Variants in LPP observed in about 807,000 individuals in gnomAD.
LPP encodes the protein LIM domain containing preferred translocation partner in lipoma.
Under a neutral mutation model 60.4 loss-of-function variants are expected in LPP, and 38 were observed. That is an observed-to-expected ratio of 0.63 (90% CI 0.49 to 0.83). The LOEUF is 0.83. Among genes scored for constraint, LPP ranks in the 40% least tolerant of loss-of-function variants. The pLI is 0.00. For missense variants in LPP, 902 were observed against 783.6 expected, an observed-to-expected ratio of 1.15 and a Z score of -1.80; for synonymous variants, 328 against 290.8, an observed-to-expected ratio of 1.13 and a Z score of -1.30.
At chr3:188,733,563 A>G (rs1050119228) in intron 8 of LPP, among the ~76,000 whole-genome samples, 2 of 152,146 alleles carry the variant, frequency 1.3e-5, no homozygotes, top group Non-Finnish European at 2.9e-5. Context: ...TCTTTTCATG[A>G]GGACTTTATT....
intron 6 of LPP, among the ~76,000 whole-genome samples, chr3:188,526,054 A>G (rs1322811649): frequency 2.0e-5 from 3 of 152,208 alleles, no homozygotes; most frequent in Non-Finnish European, 4.4e-5. Flanking sequence ...GAAGACAGCC[A>G]TCAGAATTGT....
chr3:188,276,121 C>G (rs1577769053), intron 2 of LPP, among the ~76,000 whole-genome samples: 1 of 152,204 alleles, frequency 6.6e-6, no homozygotes, highest in East Asian at 1.9e-4. Context: ...ACAAAAAACA[C>G]AACAGCTCTT....
intron 8 of LPP, among the ~76,000 whole-genome samples, chr3:188,736,264 A>T (rs929255673): frequency 1.3e-5 from 2 of 152,150 alleles, no homozygotes; most frequent in Non-Finnish European, 2.9e-5. Flanking sequence ...TGTAAATATC[A>T]TATAAAATTA....
chr3:188,482,592 G>A (rs556531580), intron 4 of LPP, among the ~76,000 whole-genome samples: 6 of 146,580 alleles, frequency 4.1e-5, no homozygotes, highest in Admixed American at 2.1e-4. Context: ...CTATCCCCAA[G>A]ATTCTGATTG....
chr3:188,527,656 G>C (rs1821010366), intron 6 of LPP, among the ~76,000 whole-genome samples: 1 of 151,840 alleles, frequency 6.6e-6, no homozygotes, highest in Admixed American at 6.6e-5. Context: ...CCAAGCAAAT[G>C]CCCCAAATCT....
intron 6 of LPP, among the ~76,000 whole-genome samples, chr3:188,559,397 T>C (rs2150641499): frequency 6.6e-6 from 1 of 152,220 alleles, no homozygotes; most frequent in South Asian, 2.1e-4. Context: ...TAAAATGATG[T>C]GTGAAATATG....
intron 2 of LPP, among the ~76,000 whole-genome samples, chr3:188,316,405 A>G (rs546340358): frequency 1.1e-4 from 16 of 152,186 alleles, no homozygotes; most frequent in African/African-American, 3.9e-4. Flanking sequence ...ATGCTACTTC[A>G]CTCCAGCCTG....
intron 2 of LPP, among the ~76,000 whole-genome samples, chr3:188,273,384 T>G (rs1330393735): frequency 1.3e-5 from 2 of 152,186 alleles, no homozygotes; most frequent in African/African-American, 4.8e-5. Flanking sequence ...GAAGAACTAA[T>G]AATACCTAAT....
At chr3:188,206,065 C>A (rs753094709) in intron 1 of LPP, among the ~76,000 whole-genome samples, 1 of 152,304 alleles carries the variant, frequency 6.6e-6, no homozygotes, top group African/African-American at 2.4e-5. Flanking sequence ...TGGCTTAGCA[C>A]GAGTCACGAG....
chr3:188,752,658 T>C (rs568175875), intron 8 of LPP, among the ~76,000 whole-genome samples: 1 of 152,308 alleles, frequency 6.6e-6, no homozygotes, highest in African/African-American at 2.4e-5. Flanking sequence ...GAATAGGGTA[T>C]ATGTTGCCCA....
chr3:188,385,688 G>T (rs1281674409), intron 3 of LPP, among the ~76,000 whole-genome samples: 1 of 152,108 alleles, frequency 6.6e-6, no homozygotes, highest in Non-Finnish European at 1.5e-5. Flanking sequence ...TCTTTACCAG[G>T]CGTTGTGGAA....
intron 2 of LPP, among the ~76,000 whole-genome samples, chr3:188,236,452 C>T (rs1008069652): frequency 2.5e-4 from 38 of 151,772 alleles, no homozygotes; most frequent in Non-Finnish European, 5.0e-4. Flanking sequence ...GGGGACATGC[C>T]GGAAAAGTGA....
chr3:188,681,900 A>C (rs930456998), intron 7 of LPP, among the ~76,000 whole-genome samples: 1 of 152,234 alleles, frequency 6.6e-6, no homozygotes, highest in Non-Finnish European at 1.5e-5. Flanking sequence ...CAACACTGAC[A>C]AATCCAAATT....
chr3:188,365,659 A>T (rs544430553), intron 3 of LPP, among the ~76,000 whole-genome samples: 1 of 151,336 alleles, frequency 6.6e-6, no homozygotes, highest in East Asian at 1.9e-4. Flanking sequence ...ACATCTTGGT[A>T]ATGTCTTTCT....
At chr3:188,735,059 C>G (rs1722016568) in intron 8 of LPP, among the ~76,000 whole-genome samples, 1 of 152,166 alleles carries the variant, frequency 6.6e-6, no homozygotes, top group Admixed American at 6.5e-5. Flanking sequence ...TAACACATAG[C>G]TCAACTGATC....
At position 188,874,456 on chromosome 3, in the gene LPP, G is replaced by A. The variant is rs748762263; in HGVS notation, c.1816G>A (p.Ala606Thr). ...CTCTGCCCGCATCAGGGTGTTGACC[G>A]CCAAGGCGAGCACTGACCTTTAGAT... ...CNSARIRVLT[A>T]KASTDL Residue 606 changes from alanine to threonine, a missense_variant, in exon 12 of 12, where the codon GCC becomes ACC. By Grantham distance (58) the Ala-to-Thr change is moderately conservative. Transcript: ENST00000617246. 92 of 1,613,970 alleles carry A rather than the reference G, an allele frequency of 5.7e-5. No individual in the cohort carries two copies. Among genetic ancestry groups the A allele is most frequent in the African/African-American group, 9.3e-5 (7 of 74,926 alleles).
chr3:188,465,542 G>T (rs1257805176), intron 4 of LPP, among the ~76,000 whole-genome samples: 3 of 152,134 alleles, frequency 2.0e-5, no homozygotes, highest in Non-Finnish European at 4.4e-5. Context: ...GTGTGTGTCG[G>T]CTCATGTCAA....
At chr3:188,722,761 C>T (rs901954723) in intron 8 of LPP, among the ~76,000 whole-genome samples, 11 of 152,110 alleles carry the variant, frequency 7.2e-5, no homozygotes, top group African/African-American at 2.7e-4. Flanking sequence ...ATTTTATGTG[C>T]ATATTGTGGG....
At chr3:188,645,652 C>A (rs968907784) in intron 7 of LPP, among the ~76,000 whole-genome samples, 4 of 151,988 alleles carry the variant, frequency 2.6e-5, no homozygotes, top group Non-Finnish European at 2.9e-5. Context: ...CCTTTGTAAC[C>A]CAGAGTAGCT....
Sources: gnomAD v4.1 joint callset for allele counts (sites outside exome capture counted in the v4.1 genomes callset) on GRCh38, gnomAD v4.1.1 for gene constraint, MANE v1.5 for transcripts, NCBI Gene and HGNC (gene_info 2026-07-23, HGNC 2026-07-21) for gene names.